RYR2: variants seen among roughly 807,000 people sequenced by gnomAD.
The protein encoded by RYR2 is cardiac muscle ryanodine receptor-calcium release channel.
In RYR2, 227 loss-of-function variants were observed where a neutral mutation model predicts 601.1. The observed-to-expected ratio is 0.38, with a 90% CI of 0.34 to 0.42. The LOEUF is 0.42. RYR2 is among the 10% of genes least tolerant of loss of function. The pLI, the probability that RYR2 is intolerant of heterozygous loss-of-function variation, is 1.00. For synonymous variants in RYR2, 2,223 were observed against 2,175.1 expected, an observed-to-expected ratio of 1.02 and a Z score of -0.61; for missense variants, 4,646 against 6,156.5, an observed-to-expected ratio of 0.75 and a Z score of 8.21.
At chr1:237,199,765 G>T (rs1319367784) in intron 1 of RYR2, among the ~76,000 whole-genome samples, 1 of 152,102 alleles carries the variant, frequency 6.6e-6, no homozygotes, top group Non-Finnish European at 1.5e-5. Flanking sequence ...AAATTCTCAG[G>T]ATTCTTTCAA....
intron 1 of RYR2, among the ~76,000 whole-genome samples, chr1:237,200,662 G>A (rs530776118): frequency 6.6e-6 from 1 of 152,222 alleles, no homozygotes; most frequent in African/African-American, 2.4e-5. Context: ...GCCATTCTCG[G>A]GCATATTTTT....
chr1:237,350,602 A>AATATATATATATATATATATAT (rs1177777241), intron 3 of RYR2, among the ~76,000 whole-genome samples: 6 of 37,000 alleles, frequency 1.6e-4, no homozygotes, highest in African/African-American at 2.1e-4. Context: ...AAAAAAAAAA[A>AATATATATATATATATATATAT]ATATATATAT....
rs537906465 is a variant in RYR2, at chr1:237,713,649, G to T, written c.10323+1812G>T. Among the ~76,000 whole-genome samples the T allele has an allele frequency of 2.0e-5, 3 of 152,078 alleles. No homozygotes were observed. The South Asian group carries it at 6.2e-4, about 32-fold the overall frequency. On this transcript the variant is annotated intron_variant, in intron 71 of 104. Transcript: ENST00000366574. ...CCTGACCTCGTGATCTGACGGCCTC[G>T]GCCTCCCAAAGTACCTGGATTGCAC...
intron 53 of RYR2, among the ~76,000 whole-genome samples, chr1:237,656,969 A>C (rs1949666): frequency 0.62 from 94,633 of 152,034 alleles, 31,529 homozygotes; most frequent in Non-Finnish European, 0.75. Context: ...ACATTCCTAC[A>C]TGGGTAAGTT....
intron 63 of RYR2, among the ~76,000 whole-genome samples, chr1:237,698,073 A>G (rs1427747011): frequency 6.6e-6 from 1 of 150,770 alleles, no homozygotes. Flanking sequence ...CATTCAGATA[A>G]TAGTTGTCAA....
chr1:237,823,114 G>A (rs1426723396), intron 101 of RYR2, among the ~76,000 whole-genome samples: 1 of 152,108 alleles, frequency 6.6e-6, no homozygotes, highest in Admixed American at 6.6e-5. Flanking sequence ...GTCAATATTA[G>A]ACAGATCAAT....
At chr1:237,759,572 A>T (rs1693241098) in intron 82 of RYR2, among the ~76,000 whole-genome samples, 1 of 152,186 alleles carries the variant, frequency 6.6e-6, no homozygotes. Flanking sequence ...GTGTAAGGCA[A>T]CTAACCCTCT....
intron 84 of RYR2, among the ~76,000 whole-genome samples, chr1:237,767,498 A>G (rs1337696897): frequency 6.6e-6 from 1 of 152,174 alleles, no homozygotes; most frequent in African/African-American, 2.4e-5. Context: ...GTCGATAGCT[A>G]TATGACATTG....
At chr1:237,806,335 A>G in intron 99 of RYR2, 52 bp downstream of exon 99, 1 of 1,526,262 alleles carries the variant, frequency 6.6e-7, no homozygotes, top group Non-Finnish European at 8.9e-7. Flanking sequence ...AGCAACAAAT[A>G]AAACAAAGAA....
chr1:237,750,792 T>C (rs1692478008), intron 80 of RYR2, among the ~76,000 whole-genome samples: 2 of 152,130 alleles, frequency 1.3e-5, no homozygotes, highest in Admixed American at 6.5e-5. Context: ...TGGATTAGCA[T>C]AAAATGGCTA....
chr1:237,822,813 T>A (rs944881258), intron 101 of RYR2, among the ~76,000 whole-genome samples: 2 of 152,028 alleles, frequency 1.3e-5, no homozygotes, highest in African/African-American at 2.4e-5. Context: ...CACATGGGCT[T>A]AAAATAAAGG....
intron 16 of RYR2, among the ~76,000 whole-genome samples, chr1:237,462,035 T>A (rs1225983229): frequency 2.0e-5 from 3 of 152,190 alleles, no homozygotes; most frequent in African/African-American, 7.2e-5. Context: ...CCTAAATATA[T>A]ACTTCAGTTT....
In RYR2 at chr1:237,398,044, T is replaced by C. The variant is rs183335798; in HGVS notation, c.773+9861T>C. On this transcript the variant is annotated intron_variant, in intron 10 of 104. Coordinates refer to ENST00000366574, the MANE Select transcript of RYR2 (RefSeq NM_001035.3). ...TCTATAATTTGGTATCTTGTTGTCA[T>C]GAAGAGTCTGTTCTGTCAGTCTTCT... Among the ~76,000 whole-genome samples the C allele has an allele frequency of 2.8e-3, 419 of 152,290 alleles. 3 individuals are homozygous for C. The highest frequency in any genetic ancestry group is 9.1e-3 in the African/African-American group (378 of 41,566).
chr1:237,626,580 CTTTTTTTTTT>C (rs60885998), intron 40 of RYR2, among the ~76,000 whole-genome samples: 235 of 40,052 alleles, frequency 5.9e-3, no homozygotes, highest in African/African-American at 0.02. Flanking sequence ...TTTTCTTTTT[CTTTTTTTTTT>C]TTTTTTTTTT....
intron 1 of RYR2, among the ~76,000 whole-genome samples, chr1:237,239,180 T>C (rs1225710406): frequency 6.6e-6 from 1 of 152,206 alleles, no homozygotes; most frequent in Admixed American, 6.5e-5. Context: ...TCTGAACTTA[T>C]GCAGGTGGAG....
At chr1:237,342,313 A>AT (rs201847873) in intron 3 of RYR2, among the ~76,000 whole-genome samples, 6,289 of 130,210 alleles carry the variant, frequency 0.048, 360 homozygotes, top group African/African-American at 0.13. Context: ...TGGCTAATTA[A>AT]TTTTTTTTTT....
At chr1:237,482,632 A>G (rs909569130) in intron 17 of RYR2, among the ~76,000 whole-genome samples, 2 of 152,116 alleles carry the variant, frequency 1.3e-5, no homozygotes, top group South Asian at 2.1e-4. Flanking sequence ...CTTCCAAATC[A>G]TTGCAATTAT....
chr1:237,074,090 A>T (rs1448005631), intron 1 of RYR2, among the ~76,000 whole-genome samples: 1 of 152,026 alleles, frequency 6.6e-6, no homozygotes, highest in Non-Finnish European at 1.5e-5. Context: ...GCAGAGGCAG[A>T]AGTATTGCTT....
At position 237,480,378 on chromosome 1, in the gene RYR2, CAAAAAAAAAA is replaced by C. The variant is rs61271895; in HGVS notation, c.1708+11204_1708+11213del. ...AGGCTGTAGTGAACCAAGATCATCT[CAAAAAAAAAA>C]AAAAAAAAAAAAGAATATCTTGAAG... On this transcript the variant is annotated intron_variant, in intron 17 of 104. Coordinates refer to ENST00000366574, the MANE Select transcript of RYR2 (RefSeq NM_001035.3). 8.3e-3 allele frequency among the ~76,000 whole-genome samples: 480 copies of C among 57,688 alleles called. 3 individuals carry two copies. Among genetic ancestry groups the C allele is most frequent in the African/African-American group, 0.023 (465 of 19,794 alleles). 37.8% of individuals were successfully genotyped at this position (57,688 alleles called of 152,430 possible). A position where few individuals can be genotyped will look rare whatever the true frequency, so the allele number is the denominator to read the frequency against.
Sources: gnomAD v4.1 joint callset for allele counts (sites outside exome capture counted in the v4.1 genomes callset) on GRCh38, gnomAD v4.1.1 for gene constraint, MANE v1.5 for transcripts, NCBI Gene and HGNC (gene_info 2026-07-23, HGNC 2026-07-21) for gene names.